Variants in FGF12 observed in about 807,000 individuals in gnomAD.
FGF12 encodes the protein fibroblast growth factor 12.
A neutral mutation model predicts 23.6 loss-of-function variants in FGF12; 14 were observed. The ratio of observed to expected loss-of-function variants is 0.59; its 90% confidence interval spans 0.39 to 0.93. The LOEUF is 0.93. FGF12 is among the 40% of genes least tolerant of loss of function. FGF12 has a pLI of 0.00. For synonymous variants in FGF12, 62 were observed against 77.3 expected (o/e 0.80, Z 1.04); for missense variants, 175 against 217.8 (o/e 0.80, Z 1.24).
At chr3:192,192,440 T>C (rs563186732) in intron 4 of FGF12, among the ~76,000 whole-genome samples, 114 of 147,956 alleles carry the variant, frequency 7.7e-4, no homozygotes, top group Non-Finnish European at 1.2e-3. Context: ...TAATTATATA[T>C]GATAAATATA....
In FGF12 at chr3:192,183,986, G is replaced by T. The variant is rs542450370; in HGVS notation, c.229-13330C>A. Among the ~76,000 whole-genome samples, 6 of 152,240 alleles carry T rather than the reference G, an allele frequency of 3.9e-5. No homozygotes were observed. In the South Asian group the frequency reaches 1.2e-3, roughly 32 times the overall value. ...ACCTGTAATGCCAGCACTTTGCGAG[G>T]TCGAGGTGGGCAGATCACTTAACCC... On this transcript the variant is annotated intron_variant, in intron 4 of 5. Transcript: ENST00000445105.
chr3:192,358,091 G>A (rs1022470506), intron 3 of FGF12, among the ~76,000 whole-genome samples: 27 of 150,384 alleles, frequency 1.8e-4, no homozygotes, highest in African/African-American at 6.5e-4. Context: ...TTATGATAAT[G>A]TTCTAACTTA....
chr3:192,267,305 G>C (rs529263532), intron 4 of FGF12, among the ~76,000 whole-genome samples: 1 of 152,120 alleles, frequency 6.6e-6, no homozygotes, highest in East Asian at 1.9e-4. Context: ...TCAATGCTCT[G>C]ATTCATCTTT....
intron 2 of FGF12, among the ~76,000 whole-genome samples, chr3:192,706,685 C>T (rs550953391): frequency 1.2e-4 from 18 of 152,278 alleles, no homozygotes; most frequent in South Asian, 2.1e-4. Flanking sequence ...TATTTACCTC[C>T]GCTTACAACA....
At chr3:192,185,790 C>T (rs751023764) in intron 4 of FGF12, among the ~76,000 whole-genome samples, 4 of 150,848 alleles carry the variant, frequency 2.7e-5, no homozygotes, top group East Asian at 1.9e-4. Context: ...ACCCAGGAGG[C>T]GGAGGTGGCA....
Position 192,143,780 on chromosome 3 carries a change from G to A in FGF12, c.*229C>T. 2.1e-6 allele frequency: 1 copy of A among 468,334 alleles called. No individual in the cohort carries two copies. Among genetic ancestry groups the A allele is most frequent in the Non-Finnish European group, 3.8e-6 (1 of 264,464 alleles). The allele number at this position is 468,334 out of a possible 1,614,324, so 29.0% of individuals were successfully genotyped here. ...TTTATTTTTTCCTTTGCTTTTAAGT[G>A]TGCTAATCTTTGTGCACGTGAATTT... is the stretch of plus-strand genomic sequence containing the variant. On this transcript the variant is annotated 3_prime_UTR_variant, in exon 6 of 6. Coordinates refer to ENST00000445105, the MANE Select transcript of FGF12 (RefSeq NM_004113.6).
intron 2 of FGF12, among the ~76,000 whole-genome samples, chr3:192,470,236 G>C (rs149391079): frequency 2.0e-5 from 3 of 152,064 alleles, no homozygotes; most frequent in African/African-American, 7.2e-5. Context: ...GAAGCTAAAG[G>C]GTAAGAGGTT....
intron 4 of FGF12, among the ~76,000 whole-genome samples, chr3:192,327,472 C>A (rs889963943): frequency 2.0e-5 from 3 of 151,922 alleles, no homozygotes; most frequent in Admixed American, 1.3e-4. Context: ...AAAAAAAATT[C>A]TCATTTAGTT....
chr3:192,143,871 G>C lies in FGF12; in HGVS notation c.*138C>G, dbSNP rs1458017180. 3.4e-6 allele frequency: 2 copies of C among 595,652 alleles called. No homozygotes were observed. The highest frequency in any genetic ancestry group is 6.0e-6 in the Non-Finnish European group (2 of 333,024). The allele number at this position is 595,652 out of a possible 1,614,324, so 36.9% of individuals were successfully genotyped here. On this transcript the variant is annotated 3_prime_UTR_variant, in exon 6 of 6. Transcript: ENST00000445105. ...TGTCCTACACAAAGGAAGATTTTGA[G>C]TGCAGAATCTTAGCCACTAGGTCTT...
intron 4 of FGF12, among the ~76,000 whole-genome samples, chr3:192,280,865 T>C (rs1714102067): frequency 6.6e-6 from 1 of 152,230 alleles, no homozygotes; most frequent in Admixed American, 6.5e-5. Context: ...ATCTTAGATA[T>C]ATTTCCACAG....
intron 2 of FGF12, among the ~76,000 whole-genome samples, chr3:192,593,235 G>A (rs1713698298): frequency 6.6e-6 from 1 of 151,740 alleles, no homozygotes; most frequent in Non-Finnish European, 1.5e-5. Flanking sequence ...TCAGGCCTCT[G>A]CACAAGCTGT....
intron 4 of FGF12, among the ~76,000 whole-genome samples, chr3:192,288,849 A>G (rs1714605329): frequency 6.6e-6 from 1 of 152,140 alleles, no homozygotes; most frequent in African/African-American, 2.4e-5. Context: ...CACTCAAGAT[A>G]TAAACACTAT....
chr3:192,664,624 G>A (rs190991952), intron 2 of FGF12, among the ~76,000 whole-genome samples: 233 of 78,530 alleles, frequency 3.0e-3, no homozygotes, highest in African/African-American at 9.9e-3. Flanking sequence ...AAAAAAGCTG[G>A]GCATGGTGGC....
intron 2 of FGF12, among the ~76,000 whole-genome samples, chr3:192,554,060 C>T (rs887773782): frequency 2.0e-5 from 3 of 151,644 alleles, no homozygotes; most frequent in Admixed American, 2.0e-4. Context: ...AGGGACTGCC[C>T]GAAGGACTAG....
chr3:192,607,802 T>C lies in FGF12; in HGVS notation c.13+119379A>G, dbSNP rs188249265. Among the ~76,000 whole-genome samples, 92 of 136,304 alleles carry C rather than the reference T, an allele frequency of 6.7e-4. 1 individual carries two copies. The East Asian group carries it at 0.018, about 27-fold the overall frequency. 89.4% of individuals were successfully genotyped at this position (136,304 alleles called of 152,430 possible). ...CTTGTCAGCTCTCTTCGTTTCACCA[T>C]GAGCAAATAAAAATAGTTAACATAC... On this transcript the variant is annotated intron_variant, in intron 2 of 5. Transcript: ENST00000445105.
At chr3:192,675,266 G>A (rs190485601) in intron 2 of FGF12, among the ~76,000 whole-genome samples, 1 of 151,072 alleles carries the variant, frequency 6.6e-6, no homozygotes, top group East Asian at 2.0e-4. Context: ...AAAGAGTGTG[G>A]GTATAAAACT....
intron 2 of FGF12, among the ~76,000 whole-genome samples, chr3:192,644,209 G>A (rs1261600782): frequency 1.3e-5 from 2 of 152,074 alleles, no homozygotes; most frequent in East Asian, 3.9e-4. Context: ...TTGTTATCAT[G>A]TCCATACATT....
In FGF12 at chr3:192,506,871, C is replaced by T. The variant is rs183563071; in HGVS notation, c.14-146333G>A. 4.7e-3 allele frequency among the ~76,000 whole-genome samples: 706 copies of T among 149,114 alleles called. 1 individual carries two copies. Among genetic ancestry groups the T allele is most frequent in the Non-Finnish European group, 6.3e-3 (425 of 67,672 alleles). On this transcript the variant is annotated intron_variant, in intron 2 of 5. Transcript: ENST00000445105. ...TATAACGGCGAATCTGACCTCCCAT[C>T]TAGTCATGGCCATTAACTCAGTTTT... is the stretch of plus-strand genomic sequence containing the variant.
intron 4 of FGF12, chr3:192,245,063 C>A (rs1719816553): frequency 6.9e-6 from 1 of 145,034 alleles, no homozygotes; most frequent in African/African-American, 2.6e-5. Context: ...TTTGCATAAG[C>A]CCAACTTACT....
Sources: gnomAD v4.1 joint callset for allele counts (sites outside exome capture counted in the v4.1 genomes callset) on GRCh38, gnomAD v4.1.1 for gene constraint, MANE v1.5 for transcripts, NCBI Gene and HGNC (gene_info 2026-07-23, HGNC 2026-07-21) for gene names.